The following FRAS1 variants were observed in gnomAD, a reference collection of about 807,000 sequenced individuals.
FRAS1 encodes the protein extracellular matrix organizing protein FRAS1.
Under a neutral mutation model 435.2 loss-of-function variants are expected in FRAS1, and 290 were observed. The observed-to-expected ratio is 0.67, with a 90% CI of 0.61 to 0.73. FRAS1 has a LOEUF of 0.73. Ranked by LOEUF, FRAS1 falls within the 30% of genes least tolerant of loss-of-function variation. The probability of loss-of-function intolerance (pLI) is 0.00; values close to 1 mark genes in which losing one functional copy is unlikely to be tolerated. For synonymous variants in FRAS1, 1,800 were observed against 1,851.0 expected (o/e 0.97, Z 0.71); for missense variants, 4,860 against 5,001.5 (o/e 0.97, Z 0.85).
chr4:78,093,971 C>G (rs72860603), intron 2 of FRAS1, among the ~76,000 whole-genome samples: 9,350 of 152,154 alleles, frequency 0.061, 778 homozygotes, highest in African/African-American at 0.19. Flanking sequence ...GCTCACCCCC[C>G]TCCCCTTCCC....
At position 78,502,624 on chromosome 4, in the gene FRAS1, T is replaced by C. The variant is rs546674770; in HGVS notation, c.9316+2703T>C. Among the ~76,000 whole-genome samples the C allele has an allele frequency of 7.2e-5, 11 of 152,328 alleles. No individual in the cohort carries two copies. The South Asian group carries it at 1.4e-3, about 20-fold the overall frequency. ...TTAGGGAGATTTTGGGCTGAGATGA[T>C]GGGGTTTTCTAAATATACAATCATG... On this transcript the variant is annotated intron_variant, in intron 61 of 73. Coordinates refer to ENST00000512123, the MANE Select transcript of FRAS1 (RefSeq NM_025074.7).
intron 9 of FRAS1, among the ~76,000 whole-genome samples, chr4:78,270,808 T>G (rs1726637529): frequency 6.6e-6 from 1 of 152,134 alleles, no homozygotes; most frequent in Admixed American, 6.6e-5. Context: ...ACCAACTGAT[T>G]TGTCACATTT....
intron 40 of FRAS1, among the ~76,000 whole-genome samples, chr4:78,440,945 G>GA (rs201403906): frequency 0.022 from 3,292 of 152,286 alleles, 121 homozygotes; most frequent in African/African-American, 0.075. Flanking sequence ...GGGAGATACA[G>GA]AAGTCATCAT....
At position 78,255,315 on chromosome 4, in the gene FRAS1, G is replaced by C; in HGVS notation, c.543G>C (p.Leu181=). ...DWRLSRCAKC[L]CRNGVAQCFT... Reference sequence around the variant, plus strand: ...GGCTGAGCCGGTGTGCCAAATGTCTGTGTAGAAATGGGGTTGCCCAGTGCT... The same window carrying C: ...GGCTGAGCCGGTGTGCCAAATGTCTCTGTAGAAATGGGGTTGCCCAGTGCT... The change falls in exon 6 of 74, where the codon CTG becomes CTC. Residue 181 remains leucine (L), a synonymous_variant. Transcript: ENST00000512123. The C allele has an allele frequency of 6.4e-7, 1 of 1,572,484 alleles. No homozygotes were observed. The highest frequency in any genetic ancestry group is 8.6e-7 in the Non-Finnish European group (1 of 1,158,016).
At position 78,115,584 on chromosome 4, in the gene FRAS1, C is replaced by A. The variant is rs201264271; in HGVS notation, c.108+49568C>A. ...AGGGTGTATGTGTCCAGGAATTTAT[C>A]CATTTCTTCTAGATTTTCTAGTTTG... is the stretch of plus-strand genomic sequence containing the variant. On this transcript the variant is annotated intron_variant, in intron 2 of 73. Coordinates refer to ENST00000512123, the MANE Select transcript of FRAS1 (RefSeq NM_025074.7). 3.2e-4 allele frequency among the ~76,000 whole-genome samples: 49 copies of A among 152,234 alleles called. No homozygotes were observed. In the East Asian group the frequency reaches 4.6e-3, roughly 14 times the overall value.
At chr4:78,432,674 T>A (rs1734263764) in intron 38 of FRAS1, 70 bp downstream of exon 38, 1 of 1,472,842 alleles carries the variant, frequency 6.8e-7, no homozygotes, top group Admixed American at 2.4e-5. Flanking sequence ...TGGGCAGCAA[T>A]GCCATGGCTG....
chr4:78,540,319 C>T (rs1042185439), intron 73 of FRAS1, among the ~76,000 whole-genome samples: 3 of 152,058 alleles, frequency 2.0e-5, no homozygotes, highest in African/African-American at 2.4e-5. Context: ...AAAAAGAATC[C>T]GAATAGCTGA....
intron 12 of FRAS1, among the ~76,000 whole-genome samples, chr4:78,283,738 T>G (rs1727441130): frequency 6.6e-6 from 1 of 152,192 alleles, no homozygotes; most frequent in Non-Finnish European, 1.5e-5. Flanking sequence ...CAAAGCAACT[T>G]TATGGCTTAA....
intron 2 of FRAS1, among the ~76,000 whole-genome samples, chr4:78,180,111 A>G (rs1295305544): frequency 2.6e-5 from 4 of 152,186 alleles, no homozygotes; most frequent in Non-Finnish European, 5.9e-5. Context: ...TTCATTCAAC[A>G]ACAAATTGAG....
chr4:78,340,895 C>T (rs751933573), intron 20 of FRAS1, among the ~76,000 whole-genome samples: 1 of 152,256 alleles, frequency 6.6e-6, no homozygotes, highest in East Asian at 1.9e-4. Context: ...CCTTTAATAT[C>T]CTTATTTTAA....
intron 2 of FRAS1, among the ~76,000 whole-genome samples, chr4:78,197,566 A>G (rs771608347): frequency 3.9e-5 from 6 of 152,174 alleles, no homozygotes; most frequent in Non-Finnish European, 7.3e-5. Context: ...AATTTGTTGG[A>G]TAGAAAATGT....
At chr4:78,179,367 G>T (rs80124645) in intron 2 of FRAS1, among the ~76,000 whole-genome samples, 1 of 152,088 alleles carries the variant, frequency 6.6e-6, no homozygotes, top group Non-Finnish European at 1.5e-5. Context: ...TTAATATCAC[G>T]TGCCAGCAGG....
intron 18 of FRAS1, among the ~76,000 whole-genome samples, chr4:78,324,973 G>A (rs1289752057): frequency 2.0e-5 from 3 of 151,948 alleles, no homozygotes; most frequent in African/African-American, 7.3e-5. Context: ...GACATTACAA[G>A]TTTTTATTTT....
At chr4:78,280,808 T>C (rs1250076848) in intron 10 of FRAS1, among the ~76,000 whole-genome samples, 4 of 152,200 alleles carry the variant, frequency 2.6e-5, no homozygotes, top group Non-Finnish European at 5.9e-5. Context: ...TGTGAAGCAC[T>C]TAGAACAGTG....
chr4:78,120,366 C>G (rs1165169175), intron 2 of FRAS1, among the ~76,000 whole-genome samples: 1 of 152,194 alleles, frequency 6.6e-6, no homozygotes, highest in Non-Finnish European at 1.5e-5. Flanking sequence ...TGAGGTTTAA[C>G]TTAGAGTTGT....
At chr4:78,080,381 G>A (rs1740841522) in intron 2 of FRAS1, among the ~76,000 whole-genome samples, 2 of 152,170 alleles carry the variant, frequency 1.3e-5, no homozygotes, top group South Asian at 4.1e-4. Context: ...ACGGATGAAT[G>A]TATAGGAAAG....
At chr4:78,489,963 G>GAAA (rs1553891063) in intron 59 of FRAS1, among the ~76,000 whole-genome samples, 2 of 6,060 alleles carry the variant, frequency 3.3e-4, no homozygotes, top group African/African-American at 5.3e-4. Flanking sequence ...AAAGCTAGTG[G>GAAA]AAAACAAAAA....
At chr4:78,104,804 C>A (rs1742307083) in intron 2 of FRAS1, among the ~76,000 whole-genome samples, 1 of 152,114 alleles carries the variant, frequency 6.6e-6, no homozygotes, top group African/African-American at 2.4e-5. Context: ...TACTTAAGAG[C>A]CCTATTCTAG....
intron 47 of FRAS1, among the ~76,000 whole-genome samples, chr4:78,457,370 C>T (rs1203326662): frequency 6.6e-6 from 1 of 152,114 alleles, no homozygotes; most frequent in Non-Finnish European, 1.5e-5. Context: ...CTGGTCAGCC[C>T]CCAAATCTTC....
Sources: allele counts gnomAD v4.1 joint callset (sites outside exome capture counted in the v4.1 genomes callset), GRCh38; gene constraint gnomAD v4.1.1; transcripts MANE v1.5; gene names NCBI Gene and HGNC (gene_info 2026-07-23, HGNC 2026-07-21).